PRKG1: variants seen among roughly 807,000 people sequenced by gnomAD.
PRKG1 encodes the protein cGMP-dependent protein kinase 1.
PRKG1 carries 35 observed loss-of-function variants against 88.1 expected under a neutral mutation model. The ratio of observed to expected loss-of-function variants is 0.40; its 90% CI spans 0.30 to 0.53. PRKG1 has a LOEUF of 0.53. Among genes scored for constraint, PRKG1 ranks in the 20% least tolerant of loss-of-function variants. The pLI is 0.59. For missense variants in PRKG1, 540 were observed against 839.8 expected (o/e 0.64, Z 4.41); for synonymous variants, 303 against 292.5 (o/e 1.04, Z -0.37).
intron 1 of PRKG1, among the ~76,000 whole-genome samples, chr10:50,993,516 C>G (rs1029638476): frequency 6.6e-6 from 1 of 152,212 alleles, no homozygotes; most frequent in African/African-American, 2.4e-5. Context: ...GAGCGGCTGC[C>G]CTGCCCTGCG....
chr10:52,258,693 G>A (rs1564535374), intron 10 of PRKG1, among the ~76,000 whole-genome samples: 3 of 152,064 alleles, frequency 2.0e-5, no homozygotes, highest in Non-Finnish European at 2.9e-5. Context: ...TATCTGACAT[G>A]ATTCCTGCCC....
chr10:52,154,754 G>A (rs931941593), intron 8 of PRKG1, among the ~76,000 whole-genome samples: 9 of 151,994 alleles, frequency 5.9e-5, no homozygotes, highest in Admixed American at 1.3e-4. Context: ...CCCTAATAGC[G>A]TACACTGTAC....
chr10:52,050,674 A>G (rs995911135), intron 5 of PRKG1, among the ~76,000 whole-genome samples: 2 of 152,170 alleles, frequency 1.3e-5, no homozygotes, highest in Admixed American at 1.3e-4. Flanking sequence ...TTATGAGCTC[A>G]TGCAACATGG....
intron 3 of PRKG1, among the ~76,000 whole-genome samples, chr10:51,625,498 G>T (rs951453128): frequency 5.3e-5 from 8 of 151,882 alleles, no homozygotes; most frequent in African/African-American, 1.9e-4. Flanking sequence ...AAGAAAGAAA[G>T]AAAGACCCAT....
intron 4 of PRKG1, among the ~76,000 whole-genome samples, chr10:51,835,532 T>C (rs903041238): frequency 4.6e-5 from 7 of 152,250 alleles, no homozygotes; most frequent in Non-Finnish European, 1.0e-4. Context: ...TGCTGAATGG[T>C]TGAATAAAGT....
At chr10:51,398,075 T>G (rs1255665647) in intron 2 of PRKG1, among the ~76,000 whole-genome samples, 1 of 152,216 alleles carries the variant, frequency 6.6e-6, no homozygotes, top group Admixed American at 6.5e-5. Flanking sequence ...CTAGTTCATT[T>G]TGTGCATCTT....
intron 3 of PRKG1, among the ~76,000 whole-genome samples, chr10:51,540,662 A>G (rs1842277788): frequency 6.6e-6 from 1 of 152,098 alleles, no homozygotes. Flanking sequence ...AATCATGACT[A>G]TTGTTTGAAC....
intron 9 of PRKG1, among the ~76,000 whole-genome samples, chr10:52,225,147 G>T (rs1293047835): frequency 1.3e-5 from 2 of 151,906 alleles, no homozygotes; most frequent in Non-Finnish European, 2.9e-5. Flanking sequence ...AACATCTACT[G>T]TTTTTTGATT....
intron 2 of PRKG1, among the ~76,000 whole-genome samples, chr10:51,335,809 A>T (rs1841862049): frequency 1.3e-5 from 2 of 152,232 alleles, no homozygotes; most frequent in Admixed American, 1.3e-4. Flanking sequence ...ATCATTGAGT[A>T]GTTAATACAT....
intron 5 of PRKG1, among the ~76,000 whole-genome samples, chr10:51,949,350 C>A (rs951868958): frequency 2.6e-5 from 4 of 152,060 alleles, no homozygotes; most frequent in African/African-American, 9.7e-5. Context: ...CAGTAGCTCA[C>A]ATCTATAATC....
At chr10:51,563,429 A>C (rs1049428219) in intron 3 of PRKG1, among the ~76,000 whole-genome samples, 3 of 152,080 alleles carry the variant, frequency 2.0e-5, no homozygotes, top group African/African-American at 7.2e-5. Context: ...ATTATTTTCA[A>C]TTTTAAAAAG....
At chr10:51,131,754 C>A (rs922996042) in intron 1 of PRKG1, among the ~76,000 whole-genome samples, 7 of 152,102 alleles carry the variant, frequency 4.6e-5, no homozygotes, top group Non-Finnish European at 1.0e-4. Context: ...ATTCAAACAG[C>A]TTTCATTGAG....
At chr10:51,703,389 A>G (rs1841522889) in intron 3 of PRKG1, among the ~76,000 whole-genome samples, 1 of 151,998 alleles carries the variant, frequency 6.6e-6, no homozygotes, top group African/African-American at 2.4e-5. Flanking sequence ...CAAATAAACT[A>G]CTCCACAAAG....
At chr10:52,059,315 ATATT>A (rs1199082697) in intron 6 of PRKG1, among the ~76,000 whole-genome samples, 1 of 151,994 alleles carries the variant, frequency 6.6e-6, no homozygotes, top group Non-Finnish European at 1.5e-5. Flanking sequence ...ACTCTTTGTG[ATATT>A]TATTCTAGAG....
intron 2 of PRKG1, among the ~76,000 whole-genome samples, chr10:51,288,247 G>A (rs1197588537): frequency 6.6e-6 from 1 of 152,038 alleles, no homozygotes; most frequent in Non-Finnish European, 1.5e-5. Context: ...CTTTTCGGGA[G>A]TCACATGGAG....
intron 9 of PRKG1, among the ~76,000 whole-genome samples, chr10:52,205,931 T>A (rs1212181134): frequency 6.6e-6 from 1 of 152,152 alleles, no homozygotes; most frequent in Non-Finnish European, 1.5e-5. Context: ...TCAGGGATTC[T>A]CTCCATTTCC....
intron 2 of PRKG1, among the ~76,000 whole-genome samples, chr10:51,203,017 C>G (rs546549461): frequency 6.6e-6 from 1 of 151,938 alleles, no homozygotes; most frequent in Admixed American, 6.6e-5. Flanking sequence ...ACAATGATGT[C>G]AACGGGGTGA....
chr10:51,151,796 T>C (rs1178128777), intron 1 of PRKG1, among the ~76,000 whole-genome samples: 1 of 152,004 alleles, frequency 6.6e-6, no homozygotes, highest in African/African-American at 2.4e-5. Context: ...TACTTAAAAC[T>C]GAATTATTAC....
chr10:52,109,763 A>G (rs560430105), intron 7 of PRKG1, among the ~76,000 whole-genome samples: 71 of 151,592 alleles, frequency 4.7e-4, no homozygotes, highest in Non-Finnish European at 8.0e-4. Flanking sequence ...ACTCCATCTC[A>G]AAAAAAAATC....
Sources: allele counts gnomAD v4.1 joint callset (sites outside exome capture counted in the v4.1 genomes callset), GRCh38; gene constraint gnomAD v4.1.1; transcripts MANE v1.5; gene names NCBI Gene and HGNC (gene_info 2026-07-23, HGNC 2026-07-21).